Variants in ENOX1 observed in about 807,000 individuals in gnomAD.
ENOX1 encodes candidate growth-related and time keeping constitutive hydroquinone (NADH) oxidase.
ENOX1 carries 42 observed loss-of-function variants against 82.5 expected under a neutral mutation model. The ratio of observed to expected loss-of-function variants is 0.51; its 90% CI spans 0.40 to 0.66. The LOEUF is 0.66. Among genes scored for constraint, ENOX1 ranks in the 30% least tolerant of loss-of-function variants. The pLI, the probability that ENOX1 is intolerant of heterozygous loss-of-function variation, is 0.00. For missense variants in ENOX1, 608 were observed against 811.6 expected, an observed-to-expected ratio of 0.75 and a Z score of 3.05; for synonymous variants, 271 against 282.2, an observed-to-expected ratio of 0.96 and a Z score of 0.40.
At chr13:43,767,968 G>A (rs1165227909) in intron 1 of ENOX1, among the ~76,000 whole-genome samples, 1 of 152,192 alleles carries the variant, frequency 6.6e-6, no homozygotes, top group Non-Finnish European at 1.5e-5. Context: ...GGGGGGAGCG[G>A]AGGGGGGCTT....
intron 5 of ENOX1, among the ~76,000 whole-genome samples, chr13:43,373,283 A>G (rs1330829704): frequency 6.6e-6 from 1 of 152,124 alleles, no homozygotes; most frequent in African/African-American, 2.4e-5. Context: ...AACTGAGGAG[A>G]CAGTGCCATA....
At chr13:43,284,438 A>G (rs1161329858) in intron 12 of ENOX1, among the ~76,000 whole-genome samples, 1 of 152,194 alleles carries the variant, frequency 6.6e-6, no homozygotes, top group Non-Finnish European at 1.5e-5. Flanking sequence ...TCTTAATACC[A>G]TGAATGAGAA....
At chr13:43,526,060 G>C (rs2077977739) in intron 2 of ENOX1, among the ~76,000 whole-genome samples, 3 of 152,100 alleles carry the variant, frequency 2.0e-5, no homozygotes, top group Non-Finnish European at 4.4e-5. Context: ...TCCATGCAAT[G>C]CTTAACAAAC....
At chr13:43,231,164 C>T in intron 15 of ENOX1, among the ~76,000 whole-genome samples, 1 of 152,162 alleles carries the variant, frequency 6.6e-6, no homozygotes, top group South Asian at 2.1e-4. Flanking sequence ...TCACATCTTG[C>T]TGGGAATTAC....
intron 5 of ENOX1, among the ~76,000 whole-genome samples, chr13:43,407,126 A>G (rs2053848647): frequency 6.6e-6 from 1 of 152,218 alleles, no homozygotes; most frequent in South Asian, 2.1e-4. Context: ...TGGTCACACA[A>G]GAGGTGCCAA....
intron 2 of ENOX1, among the ~76,000 whole-genome samples, chr13:43,645,029 AAATT>A (rs538968094): frequency 7.2e-5 from 11 of 152,348 alleles, no homozygotes; most frequent in Non-Finnish European, 1.2e-4. Flanking sequence ...CATATTTTGG[AAATT>A]AATTAATTTA....
intron 3 of ENOX1, among the ~76,000 whole-genome samples, chr13:43,462,943 T>C (rs2057553838): frequency 1.3e-5 from 2 of 152,344 alleles, no homozygotes; most frequent in Admixed American, 6.5e-5. Context: ...TGTAAGGTAG[T>C]GCATAGTCGT....
intron 11 of ENOX1, among the ~76,000 whole-genome samples, chr13:43,320,545 CAGTG>C (rs149583109): frequency 6.6e-6 from 1 of 152,324 alleles, no homozygotes; most frequent in East Asian, 1.9e-4. Flanking sequence ...CGCAAGACCT[CAGTG>C]AGCATACTAT....
chr13:43,519,954 C>T (rs1432316869), intron 2 of ENOX1, among the ~76,000 whole-genome samples: 3 of 152,236 alleles, frequency 2.0e-5, no homozygotes, highest in African/African-American at 7.2e-5. Flanking sequence ...TGTATTACAT[C>T]TCCCTCCTTG....
chr13:43,752,185 C>T (rs535929475), intron 1 of ENOX1, among the ~76,000 whole-genome samples: 9 of 152,164 alleles, frequency 5.9e-5, no homozygotes, highest in South Asian at 2.1e-4. Context: ...ATTTCTTATC[C>T]GGCAGAATAT....
chr13:43,493,856 G>C (rs2076704822), intron 2 of ENOX1, among the ~76,000 whole-genome samples: 1 of 152,112 alleles, frequency 6.6e-6, no homozygotes, highest in Non-Finnish European at 1.5e-5. Flanking sequence ...ACTGCTCGAG[G>C]CTGGGTAATT....
chr13:43,214,813 T>C (rs1244088171), intron 16 of ENOX1, among the ~76,000 whole-genome samples: 1 of 152,242 alleles, frequency 6.6e-6, no homozygotes, highest in African/African-American at 2.4e-5. Flanking sequence ...TTGCTTTTGT[T>C]GTCCTGTGTT....
intron 9 of ENOX1, among the ~76,000 whole-genome samples, chr13:43,337,890 G>C (rs112155613): frequency 6.6e-6 from 1 of 152,036 alleles, no homozygotes; most frequent in Non-Finnish European, 1.5e-5. Flanking sequence ...AAAATGACAG[G>C]GTTTGGCCCA....
chr13:43,686,310 G>C (rs1044675556), intron 1 of ENOX1, among the ~76,000 whole-genome samples: 5 of 152,118 alleles, frequency 3.3e-5, no homozygotes, highest in African/African-American at 1.2e-4. Context: ...AATCAGAGAT[G>C]GGATGTGAAT....
chr13:43,266,650 G>A (rs1490152768), intron 13 of ENOX1, among the ~76,000 whole-genome samples: 1 of 152,180 alleles, frequency 6.6e-6, no homozygotes, highest in Non-Finnish European at 1.5e-5. Flanking sequence ...CATGGGCGAT[G>A]TATGGCATAT....
At chr13:43,253,740 T>C (rs2043590370) in intron 14 of ENOX1, among the ~76,000 whole-genome samples, 1 of 152,188 alleles carries the variant, frequency 6.6e-6, no homozygotes, top group African/African-American at 2.4e-5. Flanking sequence ...CTGGCTGCTT[T>C]TATACCACTA....
chr13:43,676,465 C>T (rs2085513994), intron 1 of ENOX1, among the ~76,000 whole-genome samples: 1 of 152,090 alleles, frequency 6.6e-6, no homozygotes, highest in East Asian at 1.9e-4. Flanking sequence ...GTGAGGACTC[C>T]CACCTCAAAT....
intron 2 of ENOX1, among the ~76,000 whole-genome samples, chr13:43,538,585 A>G (rs188937799): frequency 1.3e-5 from 2 of 152,254 alleles, no homozygotes; most frequent in African/African-American, 4.8e-5. Flanking sequence ...TTTAATTCCA[A>G]TTTGCTCATG....
intron 12 of ENOX1, among the ~76,000 whole-genome samples, chr13:43,285,099 C>T (rs1224920881): frequency 1.3e-5 from 2 of 152,170 alleles, no homozygotes. Flanking sequence ...CCAGATTGGG[C>T]ACTAACTTGT....
Sources: gnomAD v4.1 joint callset for allele counts (sites outside exome capture counted in the v4.1 genomes callset) on GRCh38, gnomAD v4.1.1 for gene constraint, MANE v1.5 for transcripts, NCBI Gene and HGNC (gene_info 2026-07-23, HGNC 2026-07-21) for gene names.